The following TMED7 variants were observed in gnomAD, a reference collection of about 807,000 sequenced individuals.
The protein encoded by TMED7 is transmembrane p24 trafficking protein 7, also known as transmembrane emp24 domain-containing protein 7.
In TMED7, 8 loss-of-function variants were observed where a neutral mutation model predicts 23.4. The observed-to-expected ratio is 0.34, with a 90% CI of 0.20 to 0.62. TMED7 has a LOEUF of 0.62. Among genes scored for constraint, TMED7 ranks in the 20% least tolerant of loss-of-function variants. The pLI, the probability that TMED7 is intolerant of heterozygous loss-of-function variation, is 0.77. For synonymous variants in TMED7, 121 were observed against 108.5 expected (o/e 1.12, Z -0.72); for missense variants, 232 against 279.1 (o/e 0.83, Z 1.20).
chr5:115,625,932 C>G lies in TMED7; in HGVS notation c.-140G>C. On this transcript the variant is annotated 5_prime_UTR_variant, in exon 1 of 3. Transcript: ENST00000456936. ...AGCAGGTTCACGCCTGTGGGAGATT[C>G]GGGATCAGAGCGACCCTCCGGCTTC... 1 of 1,190,712 alleles carries G rather than the reference C, an allele frequency of 8.4e-7. No homozygotes were observed. 73.8% of individuals were successfully genotyped at this position (1,190,712 alleles called of 1,614,324 possible). A position where few individuals can be genotyped will look rare whatever the true frequency, so the allele number is the denominator to read the frequency against.
Position 115,625,912 on chromosome 5 carries a change from G to A in TMED7, c.-120C>T, listed in dbSNP as rs1226698298. The A allele has an allele frequency of 2.4e-6, 3 of 1,253,846 alleles. No individual in the cohort carries two copies. The highest frequency in any genetic ancestry group is 2.7e-5 in the South Asian group (1 of 37,494). The allele number at this position is 1,253,846 out of a possible 1,614,324, so 77.7% of individuals were successfully genotyped here. On this transcript the variant is annotated 5_prime_UTR_variant, in exon 1 of 3. Transcript: ENST00000456936. ...CCCGCAAAGATACACAGCAGAGCAGGTTCACGCCTGTGGGAGATTCGGGAT... is the reference window on the plus strand; with the variant it reads ...CCCGCAAAGATACACAGCAGAGCAGATTCACGCCTGTGGGAGATTCGGGAT...
intron 2 of TMED7, among the ~76,000 whole-genome samples, chr5:115,618,013 C>T (rs986479899): frequency 4.6e-5 from 7 of 152,156 alleles, no homozygotes; most frequent in Non-Finnish European, 7.3e-5. Flanking sequence ...AGGCTGGTCT[C>T]TAACTACTGA....
chr5:115,620,201 T>C (rs1756975856), intron 2 of TMED7: 1 of 451,546 alleles, frequency 2.2e-6, no homozygotes, highest in Non-Finnish European at 3.3e-6. Context: ...ATCTTCCTCC[T>C]TATTTTAATG....
chr5:115,619,751 A>G (rs935830046), intron 2 of TMED7, among the ~76,000 whole-genome samples: 2 of 152,120 alleles, frequency 1.3e-5, no homozygotes, highest in African/African-American at 4.8e-5. Context: ...ATCAGGTTGG[A>G]GCTAAAAAAA....
chr5:115,616,554 C>CTACT, intron 2 of TMED7, 109 bp from the exon 3 acceptor site: 2 of 1,488,286 alleles, frequency 1.3e-6, no homozygotes, highest in East Asian at 4.6e-5. Context: ...GACTAACATG[C>CTACT]TACTAATCTG....
chr5:115,615,993 A>G lies in TMED7; in HGVS notation c.*216T>C. The G allele has an allele frequency of 1.7e-6, 1 of 579,724 alleles. No homozygotes were observed. The highest frequency in any genetic ancestry group is 3.1e-6 in the Non-Finnish European group (1 of 326,436). The allele number at this position is 579,724 out of a possible 1,614,324, so 35.9% of individuals were successfully genotyped here. A position where few individuals can be genotyped will look rare whatever the true frequency, so the allele number is the denominator to read the frequency against. On this transcript the variant is annotated 3_prime_UTR_variant, in exon 3 of 3. Coordinates refer to ENST00000456936, the MANE Select transcript of TMED7 (RefSeq NM_181836.6). ...AGATCATTGGTGTTGAATATTTAAC[A>G]TGAATAGCCCAAAATGAGTTCCAAA... is the stretch of plus-strand genomic sequence containing the variant.
intron 1 of TMED7, among the ~76,000 whole-genome samples, chr5:115,622,847 T>G (rs571888164): frequency 3.3e-5 from 5 of 152,338 alleles, no homozygotes; most frequent in Admixed American, 3.3e-4. Flanking sequence ...AATACCAGAC[T>G]ACCAGAAATT....
chr5:115,620,742 C>T, intron 1 of TMED7, 62 bp from the exon 2 acceptor site: 5 of 1,327,218 alleles, frequency 3.8e-6, no homozygotes, highest in Non-Finnish European at 9.7e-7. Flanking sequence ...CAGATTTAAT[C>T]AGATTTCCTA....
At position 115,620,522 on chromosome 5, in the gene TMED7, G is replaced by C; in HGVS notation, c.351C>G (p.Phe117Leu). The stretch of plus-strand genomic sequence containing the variant: ...AATCAAAATATACAGTTTTATGTGT[G>C]AAAGTAGAAAATTCATTGCTGAAGC... Reference protein sequence around the residue: ...KFCFSNEFSTFTHKTVYFDFQ... With the variant: ...KFCFSNEFSTLTHKTVYFDFQ... Residue 117 changes from phenylalanine to leucine, a missense_variant, in exon 2 of 3, where the codon TTC becomes TTG. Around this residue, in one of 2 missense-constraint regions of TMED7, gnomAD observed 126 missense variants for 182.1 expected, o/e 0.69. Coordinates refer to ENST00000456936, the MANE Select transcript of TMED7 (RefSeq NM_181836.6). 3.1e-6 allele frequency: 5 copies of C among 1,604,224 alleles called. No homozygotes were observed. The highest frequency in any genetic ancestry group is 4.3e-6 in the Non-Finnish European group (5 of 1,176,246).
In TMED7 at chr5:115,616,319, A is replaced by C; in HGVS notation, c.565T>G (p.Trp189Gly). ...AGAATGAGGGCTTCTCCTACTGACCAATAGGCCACTCTTGTATTTAGATCC... is the reference window on the plus strand; with the variant it reads ...AGAATGAGGGCTTCTCCTACTGACCCATAGGCCACTCTTGTATTTAGATCC... ...AEDLNTRVAYWSVGEALILLV... is the reference protein window; with the variant it reads ...AEDLNTRVAYGSVGEALILLV... Residue 189 changes from tryptophan (W) to glycine (G), a missense_variant, in exon 3 of 3, where the codon TGG (tryptophan) becomes GGG (glycine). Trp to Gly is a radical substitution (Grantham distance 184). Coordinates refer to ENST00000456936, the MANE Select transcript of TMED7 (RefSeq NM_181836.6). 6.2e-7 allele frequency: 1 copy of C among 1,614,136 alleles called. No homozygotes were observed. Among genetic ancestry groups the C allele is most frequent in the Non-Finnish European group, 8.5e-7 (1 of 1,179,992 alleles).
intron 1 of TMED7, 79 bp downstream of exon 1, chr5:115,625,522 G>A (rs186647331): frequency 2.6e-4 from 355 of 1,374,722 alleles, no homozygotes; most frequent in Admixed American, 1.0e-3. Context: ...AACACGGACA[G>A]GAAAGTGCCA....
At chr5:115,625,166 G>A (rs1757156901) in intron 1 of TMED7, among the ~76,000 whole-genome samples, 1 of 152,186 alleles carries the variant, frequency 6.6e-6, no homozygotes, top group East Asian at 1.9e-4. Flanking sequence ...CAATGACAAG[G>A]ACCGTATTAA....
At chr5:115,619,760 A>G (rs564069467) in intron 2 of TMED7, among the ~76,000 whole-genome samples, 1 of 152,168 alleles carries the variant, frequency 6.6e-6, no homozygotes, top group Non-Finnish European at 1.5e-5. Context: ...GAGCTAAAAA[A>G]AAGTTTTGGA....
rs369188249 is a variant in TMED7 at position 115,616,456 on chromosome 5, A to G, written c.439-11T>C. Reference sequence around the variant, plus strand: ...ACAGGCAGATTCCATCTGCAGAGAAATATTTTCAGTCAGTATGTGTGATAC... The same window carrying G: ...ACAGGCAGATTCCATCTGCAGAGAAGTATTTTCAGTCAGTATGTGTGATAC... On this transcript the variant is annotated splice_polypyrimidine_tract_variant and intron_variant, in intron 2 of 2. Transcript: ENST00000456936. The G allele has an allele frequency of 4.3e-6, 7 of 1,613,976 alleles. No individual in the cohort carries two copies. The highest frequency in any genetic ancestry group is 2.2e-5 in the South Asian group (2 of 91,086).
intron 1 of TMED7, among the ~76,000 whole-genome samples, chr5:115,621,139 C>G (rs1757013842): frequency 1.3e-5 from 2 of 152,176 alleles, no homozygotes; most frequent in African/African-American, 4.8e-5. Context: ...AACCCACTTT[C>G]CTATTAGCAT....
At chr5:115,620,833 T>C (rs1028362751) in intron 1 of TMED7, among the ~76,000 whole-genome samples, 153 bp from the exon 2 acceptor site, 1 of 152,214 alleles carries the variant, frequency 6.6e-6, no homozygotes, top group African/African-American at 2.4e-5. Context: ...TTGGGAGATT[T>C]TACTTCAACT....
At position 115,620,647 on chromosome 5, in the gene TMED7, G is replaced by A. The variant is rs539813512; in HGVS notation, c.226C>T (p.Arg76Ter). ...ITGGHYDVDC[R>*]LEDPDGKVLY... ...ACTTTACCATCAGGATCTTCTAATC[G>A]ACAATCTACATCATAGTGACCACCA... is the stretch of plus-strand genomic sequence containing the variant. The change falls in exon 2 of 3, where the codon CGA becomes TGA. Residue 76 changes from arginine to a stop codon, truncating the protein, a stop_gained. Transcript: ENST00000456936. LOFTEE classifies it high-confidence loss of function. 1.3e-6 allele frequency: 2 copies of A among 1,566,626 alleles called. No individual in the cohort carries two copies. The highest frequency in any genetic ancestry group is 1.2e-5 in the South Asian group (1 of 83,064).
At chr5:115,622,411 C>G (rs892173644) in intron 1 of TMED7, among the ~76,000 whole-genome samples, 6 of 152,186 alleles carry the variant, frequency 3.9e-5, no homozygotes, top group African/African-American at 1.4e-4. Context: ...AAACCACAAT[C>G]CAGACAGGAC....
In TMED7 at chr5:115,613,917, C is replaced by CT. The variant is rs1402220894; in HGVS notation, c.*2291dup. The CT allele has an allele frequency of 1.3e-5, 2 of 152,474 alleles. No homozygotes were observed. Among genetic ancestry groups the CT allele is most frequent in the African/African-American group, 4.8e-5 (2 of 41,424 alleles). The allele number at this position is 152,474 out of a possible 1,614,324, so 9.4% of individuals were successfully genotyped here. A position where few individuals can be genotyped will look rare whatever the true frequency, so the allele number is the denominator to read the frequency against. On this transcript the variant is annotated 3_prime_UTR_variant, in exon 3 of 3. Transcript: ENST00000456936. ...TAGTATAAACTTGTATATCAAGTTG[C>CT]TTTCCATTATTTATTCTACTTTAAA...
Sources: allele counts gnomAD v4.1 joint callset (sites outside exome capture counted in the v4.1 genomes callset), GRCh38; gene constraint gnomAD v4.1.1; regional missense constraint gnomAD v4.1.1; transcripts MANE v1.5; gene names NCBI Gene and HGNC (gene_info 2026-07-23, HGNC 2026-07-21).